The following RIF1 variants were observed in gnomAD, a reference collection of about 807,000 sequenced individuals.
The protein encoded by RIF1 is telomere-associated protein RIF1.
A neutral mutation model predicts 247.1 loss-of-function variants in RIF1; 45 were observed. The ratio of observed to expected loss-of-function variants is 0.18; its 90% CI spans 0.14 to 0.23. The LOEUF (loss-of-function observed/expected upper bound fraction) is 0.23, where lower values mean the gene tolerates loss of function less well. Among genes scored for constraint, RIF1 ranks in the 10% least tolerant of loss-of-function variants. The pLI, the probability that RIF1 is intolerant of heterozygous loss-of-function variation, is 1.00. For missense variants in RIF1, 2,967 were observed against 2,862.5 expected (o/e 1.04, Z -0.83); for synonymous variants, 1,087 against 978.8 (o/e 1.11, Z -2.06).
At chr2:151,530,129 T>C in the RIF1 span, among the ~76,000 whole-genome samples, 1 of 152,230 alleles carries the variant, frequency 6.6e-6, no homozygotes, top group Non-Finnish European at 1.5e-5. Context: ...TCATTCCTAG[T>C]GTCAGGCACA....
At chr2:151,442,525 T>G (rs567767860) in intron 16 of RIF1, among the ~76,000 whole-genome samples, 1 of 151,636 alleles carries the variant, frequency 6.6e-6, no homozygotes, top group Non-Finnish European at 1.5e-5. Context: ...ATGAAAAAAC[T>G]ATTTTCCTGG....
At chr2:151,524,225 C>T in the RIF1 span, 1 of 1,167,826 alleles carries the variant, frequency 8.6e-7, no homozygotes, top group Non-Finnish European at 1.3e-6. Flanking sequence ...CATCCCTTTG[C>T]ATTTTCAATC....
intron 34 of RIF1, among the ~76,000 whole-genome samples, chr2:151,471,780 G>A (rs564612958): frequency 7.2e-5 from 11 of 152,272 alleles, no homozygotes; most frequent in Admixed American, 7.2e-4. Context: ...TAGCCTTGTA[G>A]TATAGTTTGA....
At chr2:151,415,332 T>TGA (rs2152104388) in intron 4 of RIF1, among the ~76,000 whole-genome samples, 1 of 139,968 alleles carries the variant, frequency 7.1e-6, no homozygotes, top group South Asian at 2.4e-4. Flanking sequence ...GGGTGATAAG[T>TGA]GAGACCCCAT....
chr2:151,442,059 T>TTTTATTTTATTTTAA (rs1692396229), intron 16 of RIF1, 68 bp downstream of exon 16: 1 of 260,062 alleles, frequency 3.8e-6, no homozygotes, highest in Admixed American at 5.6e-5. Context: ...TTTTATTTTA[T>TTTTATTTTATTTTAA]TTTATTTTAT....
rs1574198600 is a variant in RIF1 at position 151,475,374 on chromosome 2, T to G, written c.*303T>G. The G allele has an allele frequency of 3.1e-6, 1 of 319,006 alleles. No homozygotes were observed. Among genetic ancestry groups the G allele is most frequent in the African/African-American group, 2.2e-5 (1 of 44,870 alleles). The allele number at this position is 319,006 out of a possible 1,614,324, so 19.8% of individuals were successfully genotyped here. A position where few individuals can be genotyped will look rare whatever the true frequency, so the allele number is the denominator to read the frequency against. On this transcript the variant is annotated 3_prime_UTR_variant, in exon 36 of 36. Transcript: ENST00000444746. ...AGAACTTACATTTTATTTCATGCTT[T>G]CTTAAACCCGTGCATATTCTGGTGA...
rs200607345 is a variant in RIF1, at chr2:151,464,811, A to C, written c.5291A>C (p.Lys1764Thr). Residue 1764 changes from lysine to threonine, a missense_variant, in exon 30 of 36, where the codon AAG (lysine) becomes ACG (threonine). Physicochemically the swap from Lys to Thr is moderately conservative, Grantham distance 78. Coordinates refer to ENST00000444746, the MANE Select transcript of RIF1 (RefSeq NM_018151.5). ...GACGTAGAGATTAGTGAAACAAAAA[A>C]GGCAGATGTGCAAGCACCTGTAAGC... ...NNDVEISETKKADVQAPVSPS... is the reference protein window; with the variant it reads ...NNDVEISETKTADVQAPVSPS... The C allele has an allele frequency of 1.2e-6, 2 of 1,614,018 alleles. No individual in the cohort carries two copies. The highest frequency in any genetic ancestry group is 4.5e-5 in the East Asian group (2 of 44,866).
chr2:151,434,303 T>G (rs1690735848), intron 10 of RIF1, among the ~76,000 whole-genome samples: 1 of 152,178 alleles, frequency 6.6e-6, no homozygotes, highest in African/African-American at 2.4e-5. Flanking sequence ...ATTTATAGGT[T>G]CTTTTTAATT....
At position 151,458,816 on chromosome 2, in the gene RIF1, T is replaced by C; in HGVS notation, c.2861T>C (p.Val954Ala). The change falls in exon 25 of 36, where the codon GTA (valine) becomes GCA (alanine). Residue 954 changes from valine to alanine, a missense_variant. Val to Ala is a moderately conservative substitution (Grantham distance 64). Transcript: ENST00000444746. ...MLVYPEELKP[V>A]LTQAKQKFLL... ...TTTTATGTACTTTTTTAAAGACCAG[T>C]ACTAACACAAGCCAAACAAAAATTT... 6.2e-7 allele frequency: 1 copy of C among 1,603,478 alleles called. No individual in the cohort carries two copies.
At chr2:151,411,631 C>T (rs1443691991) in intron 3 of RIF1, among the ~76,000 whole-genome samples, 3 of 152,080 alleles carry the variant, frequency 2.0e-5, no homozygotes, top group Non-Finnish European at 2.9e-5. Context: ...GAACTCCCGA[C>T]CTCAGGTGAT....
chr2:151,495,590 A>G (rs2059644328), intron 10 of RIF1, among the ~76,000 whole-genome samples: 1 of 152,216 alleles, frequency 6.6e-6, no homozygotes, highest in South Asian at 2.1e-4. Context: ...TTACAACCAT[A>G]TATAATGTCA....
rs149649461 is a variant in RIF1 at position 151,463,154 on chromosome 2, C to T, written c.3634C>T (p.Pro1212Ser). The T allele has an allele frequency of 6.2e-7, 1 of 1,614,108 alleles. No individual in the cohort carries two copies. The highest frequency in any genetic ancestry group is 8.5e-7 in the Non-Finnish European group (1 of 1,179,998). Residue 1212 changes from proline to serine, a missense_variant, in exon 30 of 36, where the codon CCA (proline) becomes TCA (serine). By Grantham distance (74) the Pro-to-Ser change is moderately conservative (BLOSUM62 -1). This residue lies in a region of RIF1 where 2,028 missense variants were observed against 1,825.6 expected (regional missense o/e 1.11). Coordinates refer to ENST00000444746, the MANE Select transcript of RIF1 (RefSeq NM_018151.5). Reference protein sequence around the residue: ...VSNTTVAGTPPYPTSRRQTFI... With the variant: ...VSNTTVAGTPSYPTSRRQTFI... Reference sequence around the variant, plus strand: ...TAATACCACTGTTGCTGGAACTCCCCCATACCCTACAAGTCGGAGGCAAAC... The same window carrying T: ...TAATACCACTGTTGCTGGAACTCCCTCATACCCTACAAGTCGGAGGCAAAC...
rs751049480 is a variant in RIF1 at position 151,443,212 on chromosome 2, G to A, written c.1735-47G>A. The stretch of plus-strand genomic sequence containing the variant: ...AAATAACCAATTATAAAAAACAAAT[G>A]TTCTATTCTTTGTAACTGAGAAGAT... On this transcript the variant is annotated intron_variant, in intron 16 of 35. Coordinates refer to ENST00000444746, the MANE Select transcript of RIF1 (RefSeq NM_018151.5). 3.4e-6 allele frequency: 4 copies of A among 1,165,122 alleles called. No individual in the cohort carries two copies. The South Asian group carries it at 4.0e-5, about 12-fold the overall frequency. 72.2% of individuals were successfully genotyped at this position (1,165,122 alleles called of 1,614,324 possible).
intron 16 of RIF1, 148 bp from the exon 17 acceptor site, chr2:151,443,111 A>G (rs1424849449): frequency 3.3e-6 from 2 of 598,706 alleles, no homozygotes; most frequent in African/African-American, 3.8e-5. Flanking sequence ...TATGGAAATA[A>G]TTTTACTAAC....
At chr2:151,417,031 G>A in intron 6 of RIF1, 130 bp downstream of exon 6, 1 of 648,546 alleles carries the variant, frequency 1.5e-6, no homozygotes, top group Non-Finnish European at 2.6e-6. Flanking sequence ...AACGACTCAA[G>A]GACAAAAAGT....
the RIF1 span, chr2:151,529,386 A>G: frequency 4.1e-6 from 4 of 975,702 alleles, no homozygotes; most frequent in Admixed American, 3.7e-5. Context: ...AAAACAAGAA[A>G]TTAAATCCAT....
downstream of RIF1, among the ~76,000 whole-genome samples, chr2:151,483,542 T>C (rs2049264630): frequency 6.6e-6 from 1 of 152,200 alleles, no homozygotes; most frequent in Non-Finnish European, 1.5e-5. Flanking sequence ...TCTACTTTTA[T>C]ATATACAGTC....
the RIF1 span, chr2:151,529,428 C>A: frequency 1.4e-6 from 1 of 717,908 alleles, no homozygotes; most frequent in South Asian, 1.7e-5. Context: ...CTCCTTAAGA[C>A]GGAATTTTAA....
chr2:151,529,172 A>G, the RIF1 span: 1 of 1,379,268 alleles, frequency 7.3e-7, no homozygotes. Flanking sequence ...GAAGCTGGTA[A>G]ATCCCCCACC....
Sources: allele counts gnomAD v4.1 joint callset (sites outside exome capture counted in the v4.1 genomes callset), GRCh38; gene constraint gnomAD v4.1.1; regional missense constraint gnomAD v4.1.1; transcripts MANE v1.5; gene names NCBI Gene and HGNC (gene_info 2026-07-23, HGNC 2026-07-21).